Variants in TKFC observed in about 807,000 individuals in gnomAD.
The protein encoded by TKFC is triokinase/FMN cyclase.
Under a neutral mutation model 61.0 loss-of-function variants are expected in TKFC, and 46 were observed. The observed-to-expected ratio is 0.75, with a 90% CI of 0.60 to 0.96. The LOEUF (loss-of-function observed/expected upper bound fraction) is 0.96. Among genes scored for constraint, TKFC ranks in the 50% least tolerant of loss-of-function variants. The pLI, the probability that TKFC is intolerant of heterozygous loss-of-function variation, is 0.00. For synonymous variants in TKFC, 314 were observed against 330.1 expected (o/e 0.95, Z 0.53); for missense variants, 715 against 777.5 (o/e 0.92, Z 0.96).
intron 11 of TKFC, 106 bp from the exon 12 acceptor site, chr11:61,343,750 G>T (rs928667380): frequency 2.7e-6 from 4 of 1,491,754 alleles, no homozygotes; most frequent in Admixed American, 3.8e-5. Context: ...CTTCCTCCAG[G>T]GCTGCTGAGA....
chr11:61,344,071 C>T, intron 12 of TKFC, 65 bp from the exon 13 acceptor site: 2 of 1,603,198 alleles, frequency 1.2e-6, no homozygotes, highest in South Asian at 1.1e-5. Context: ...ACACCTCCCA[C>T]CATAGTCAAG....
chr11:61,350,909 G>T, downstream of TKFC: 1 of 1,513,886 alleles, frequency 6.6e-7, no homozygotes, highest in African/African-American at 1.4e-5. Flanking sequence ...AAGTCTTCTT[G>T]TCAAGGCCCC....
At chr11:61,337,020 C>T (rs1405314624) in intron 2 of TKFC, among the ~76,000 whole-genome samples, 2 of 152,208 alleles carry the variant, frequency 1.3e-5, no homozygotes, top group African/African-American at 4.8e-5. Context: ...ACCTCCAGGC[C>T]CCTCGGGAGG....
At chr11:61,349,524 T>C (rs1414043407), downstream of TKFC, 3 of 702,798 alleles carry the variant, frequency 4.3e-6, no homozygotes, top group Admixed American at 4.0e-5. Flanking sequence ...TACTGGGACA[T>C]CTGGGGACAG....
Position 61,347,989 on chromosome 11 carries a change from A to G in TKFC, c.*1486A>G. On this transcript the variant is annotated 3_prime_UTR_variant, in exon 18 of 18. Coordinates refer to ENST00000394900, the MANE Select transcript of TKFC (RefSeq NM_015533.4). ...TAGGAAAGAGCCTCCTGCCCTCCCA[A>G]CCCCCGTCACCTACTTGGCCCAAAT... 1 of 984,424 alleles carries G rather than the reference A, an allele frequency of 1.0e-6. No individual in the cohort carries two copies. The highest frequency in any genetic ancestry group is 1.8e-5 in the African/African-American group (1 of 56,996). 61.0% of individuals were successfully genotyped at this position (984,424 alleles called of 1,614,324 possible).
chr11:61,349,153 C>G lies in TKFC; in HGVS notation c.*2650C>G. 5.0e-6 allele frequency: 1 copy of G among 198,850 alleles called. No homozygotes were observed. The allele number at this position is 198,850 out of a possible 1,614,324, so 12.3% of individuals were successfully genotyped here. A position where few individuals can be genotyped will look rare whatever the true frequency, so the allele number is the denominator to read the frequency against. On this transcript the variant is annotated 3_prime_UTR_variant, in exon 18 of 18. Transcript: ENST00000394900. ...GAAGGCAAAAAAGCCACAGCAGCAACACTTAGGAGCAAGACCCTTCCCGCT... is the reference window on the plus strand; with the variant it reads ...GAAGGCAAAAAAGCCACAGCAGCAAGACTTAGGAGCAAGACCCTTCCCGCT...
At position 61,342,845 on chromosome 11, in the gene TKFC, G is replaced by A. The variant is rs953926593; in HGVS notation, c.865+1G>A. On this transcript the variant is annotated splice_donor_variant, in intron 10 of 17. Transcript: ENST00000394900. LOFTEE classifies it high-confidence loss of function. Reference sequence around the variant, plus strand: ...GCCGACGCTACCGTCCGCTCCCTGGGTGAGCCATGCACTGGGAAGGGGATC... The same window carrying A: ...GCCGACGCTACCGTCCGCTCCCTGGATGAGCCATGCACTGGGAAGGGGATC... 6.2e-7 allele frequency: 1 copy of A among 1,613,842 alleles called. No homozygotes were observed. The highest frequency in any genetic ancestry group is 8.5e-7 in the Non-Finnish European group (1 of 1,180,016).
At chr11:61,353,319 A>G, downstream of TKFC, 2 of 762,250 alleles carry the variant, frequency 2.6e-6, no homozygotes, top group Non-Finnish European at 4.1e-6. Flanking sequence ...CCCAAGCAAC[A>G]AGAACAGTAA....
chr11:61,340,556 T>A (rs55935880), intron 5 of TKFC, among the ~76,000 whole-genome samples: 1 of 7,280 alleles, frequency 1.4e-4, no homozygotes, highest in African/African-American at 1.6e-4. Flanking sequence ...GGGTTTCACC[T>A]TGTTAGCCAG....
At chr11:61,342,327 A>T in intron 7 of TKFC, 134 bp from the exon 8 acceptor site, 1 of 1,148,890 alleles carries the variant, frequency 8.7e-7, no homozygotes, top group Non-Finnish European at 1.3e-6. Context: ...CGTGTTTTTC[A>T]TTATTCTGTC....
chr11:61,344,107 G>A (rs1195114276), intron 12 of TKFC, 29 bp from the exon 13 acceptor site: 1 of 1,610,460 alleles, frequency 6.2e-7, no homozygotes, highest in African/African-American at 1.3e-5. Flanking sequence ...GGCCTGGTGG[G>A]CCTGTTCTTC....
rs1856924356 is a variant in TKFC at position 61,342,791 on chromosome 11, G to A, written c.812G>A (p.Gly271Asp). 4.3e-6 allele frequency: 7 copies of A among 1,614,040 alleles called. No homozygotes were observed. Among genetic ancestry groups the A allele is most frequent in the Non-Finnish European group, 5.1e-6 (6 of 1,180,036 alleles). Residue 271 changes from glycine (G) to aspartate (D), a missense_variant, in exon 10 of 18, where the codon GGC becomes GAC. Gly to Asp is a moderately conservative substitution (Grantham distance 94). Transcript: ENST00000394900. ...GTGATGATGGTCAACAACCTGGGTG[G>A]CCTGTCATTCCTGGAACTGGGCATC... ...SVVMMVNNLG[G>D]LSFLELGIIA...
At chr11:61,349,390 G>A, downstream of TKFC, 1 of 604,636 alleles carries the variant, frequency 1.7e-6, no homozygotes, top group Non-Finnish European at 3.0e-6. Flanking sequence ...GAGCTGCAGA[G>A]TGGTCAGAGG....
intron 6 of TKFC, 42 bp from the exon 7 acceptor site, chr11:61,341,781 T>A: frequency 6.4e-7 from 1 of 1,572,918 alleles, no homozygotes; most frequent in Non-Finnish European, 8.8e-7. Flanking sequence ...TGCCCAGTGC[T>A]AAGAGTGGAA....
intron 10 of TKFC, 75 bp from the exon 11 acceptor site, chr11:61,343,267 G>C (rs1011343231): frequency 3.6e-6 from 5 of 1,398,086 alleles, no homozygotes; most frequent in Admixed American, 3.5e-5. Context: ...AGCTTCCAAG[G>C]TCCTTGCTTT....
chr11:61,338,189 A>G, intron 3 of TKFC, 59 bp downstream of exon 3: 3 of 1,452,258 alleles, frequency 2.1e-6, no homozygotes, highest in Non-Finnish European at 9.1e-7. Flanking sequence ...CTCCTGGGGG[A>G]TCCTTAGTGC....
intron 5 of TKFC, 54 bp from the exon 6 acceptor site, chr11:61,341,382 A>T (rs1291226802): frequency 6.5e-6 from 10 of 1,539,852 alleles, no homozygotes; most frequent in Non-Finnish European, 8.8e-6. Flanking sequence ...CTTCTACCCC[A>T]CATGGTACAG....
In TKFC at chr11:61,345,534, G is replaced by A. The variant is rs1280809583; in HGVS notation, c.1420G>A (p.Ala474Thr). ...AKTSLPAWSA[A>T]MDAGLEAMQK... ...GACCAGCCTCCCAGCCTGGTCTGCT[G>A]CCATGGATGCCGGCCTGGAAGCCAT... is the stretch of plus-strand genomic sequence containing the variant. The change falls in exon 15 of 18, where the codon GCC (alanine) becomes ACC (threonine). Residue 474 changes from alanine (A) to threonine (T), a missense_variant. Coordinates refer to ENST00000394900, the MANE Select transcript of TKFC (RefSeq NM_015533.4). The A allele has an allele frequency of 1.9e-6, 3 of 1,613,128 alleles. No homozygotes were observed. Among genetic ancestry groups the A allele is most frequent in the South Asian group, 2.2e-5 (2 of 91,094 alleles).
Position 61,347,072 on chromosome 11 carries a change from C to T in TKFC, c.*569C>T. The T allele has an allele frequency of 4.1e-6, 4 of 985,778 alleles. No individual in the cohort carries two copies. The highest frequency in any genetic ancestry group is 4.8e-6 in the Non-Finnish European group (4 of 830,250). The allele number at this position is 985,778 out of a possible 1,614,324, so 61.1% of individuals were successfully genotyped here. A position where few individuals can be genotyped will look rare whatever the true frequency, so the allele number is the denominator to read the frequency against. On this transcript the variant is annotated 3_prime_UTR_variant, in exon 18 of 18. Transcript: ENST00000394900. ...TGTCTCCTCAGCTGGGCTGCTTCCACTGAGACCCCCGACCCATCCCCTTTC... is the reference window on the plus strand; with the variant it reads ...TGTCTCCTCAGCTGGGCTGCTTCCATTGAGACCCCCGACCCATCCCCTTTC...
Sources: allele counts gnomAD v4.1 joint callset (sites outside exome capture counted in the v4.1 genomes callset), GRCh38; gene constraint gnomAD v4.1.1; transcripts MANE v1.5; gene names NCBI Gene and HGNC (gene_info 2026-07-23, HGNC 2026-07-21).